ZUP1: variants seen among roughly 807,000 people sequenced by gnomAD.
ZUP1 encodes zinc finger-containing ubiquitin peptidase 1.
In ZUP1, 55 loss-of-function variants were observed where a neutral mutation model predicts 68.1. That is an observed-to-expected ratio of 0.81 (90% CI 0.65 to 1.01). The LOEUF is 1.01. ZUP1 is among the 50% of genes least tolerant of loss of function. ZUP1 has a pLI of 0.00. For missense variants in ZUP1, 684 were observed against 674.9 expected (o/e 1.01, Z -0.15); for synonymous variants, 223 against 221.5 (o/e 1.01, Z -0.06).
At chr6:116,663,494 AACTT>A (rs1233818521) in intron 2 of ZUP1, among the ~76,000 whole-genome samples, 1 of 152,202 alleles carries the variant, frequency 6.6e-6, no homozygotes, top group Non-Finnish European at 1.5e-5. Context: ...GGTCCTGAGA[AACTT>A]ACAGGAAATG....
At chr6:116,656,955 G>GT in intron 4 of ZUP1, 103 bp from the exon 5 acceptor site, 1 of 753,840 alleles carries the variant, frequency 1.3e-6, no homozygotes, top group Non-Finnish European at 2.0e-6. Flanking sequence ...AAACATTCTG[G>GT]TTTATAGACT....
At chr6:116,649,939 A>G (rs1776428886) in intron 7 of ZUP1, among the ~76,000 whole-genome samples, 1 of 152,204 alleles carries the variant, frequency 6.6e-6, no homozygotes, top group African/African-American at 2.4e-5. Context: ...AACAAACAAA[A>G]TGCAGGCAAT....
intron 7 of ZUP1, among the ~76,000 whole-genome samples, chr6:116,650,801 G>A (rs1776466488): frequency 6.6e-6 from 1 of 152,058 alleles, no homozygotes; most frequent in Admixed American, 6.6e-5. Flanking sequence ...ATGAATCAAA[G>A]CCCCACACCC....
intron 9 of ZUP1, among the ~76,000 whole-genome samples, chr6:116,638,512 T>C (rs1312894594): frequency 6.6e-6 from 1 of 152,176 alleles, no homozygotes; most frequent in Admixed American, 6.5e-5. Context: ...GAATATCCAA[T>C]AAGCCCAAGT....
intron 9 of ZUP1, among the ~76,000 whole-genome samples, chr6:116,640,713 G>A (rs1234406571): frequency 1.8e-4 from 28 of 151,822 alleles, no homozygotes; most frequent in Non-Finnish European, 3.1e-4. Context: ...AGGCACAACC[G>A]GTACCAGCCA....
intron 9 of ZUP1, among the ~76,000 whole-genome samples, chr6:116,645,318 C>T (rs181871257): frequency 9.7e-4 from 148 of 152,034 alleles, no homozygotes; most frequent in Middle Eastern, 3.4e-3. Flanking sequence ...CGGTGGCTCA[C>T]GCCTGTAATC....
intron 9 of ZUP1, among the ~76,000 whole-genome samples, chr6:116,642,223 CCAGATGGATTCA>C (rs1357069528): frequency 2.0e-5 from 3 of 151,972 alleles, no homozygotes; most frequent in Non-Finnish European, 4.4e-5. Flanking sequence ...GAGTCCAGGA[CCAGATGGATTCA>C]CAGCCGAATT....
chr6:116,640,338 T>A (rs1053506120), intron 9 of ZUP1, among the ~76,000 whole-genome samples: 1 of 152,086 alleles, frequency 6.6e-6, no homozygotes, highest in East Asian at 1.9e-4. Flanking sequence ...ATACAGAGAA[T>A]GCCACAAAGA....
chr6:116,646,145 C>CA (rs935289591), intron 8 of ZUP1: 47 of 391,140 alleles, frequency 1.2e-4, no homozygotes, highest in Admixed American at 2.9e-4. Flanking sequence ...GCTTCATTAC[C>CA]AAAAAAAACA....
chr6:116,646,017 A>T, intron 8 of ZUP1, 83 bp from the exon 9 acceptor site: 4 of 955,244 alleles, frequency 4.2e-6, no homozygotes, highest in Non-Finnish European at 6.2e-6. Context: ...TTGTGTGATC[A>T]TATGTGTGTT....
At chr6:116,643,504 A>G (rs1009925382) in intron 9 of ZUP1, among the ~76,000 whole-genome samples, 1 of 152,234 alleles carries the variant, frequency 6.6e-6, no homozygotes, top group Non-Finnish European at 1.5e-5. Flanking sequence ...AGATCAATGG[A>G]ACAGATCAGA....
chr6:116,636,461 A>G (rs1775912792), intron 9 of ZUP1, among the ~76,000 whole-genome samples: 1 of 152,146 alleles, frequency 6.6e-6, no homozygotes, highest in Non-Finnish European at 1.5e-5. Flanking sequence ...GAACATGGCT[A>G]TTGCATAAAT....
chr6:116,656,915 C>T lies in ZUP1; in HGVS notation c.793-63G>A. ...CCCTGTAACTCTATGAGGATGGAAA[C>T]TTATTAAAATTTTATTTGGAAACAT... On this transcript the variant is annotated intron_variant, in intron 4 of 9. Coordinates refer to ENST00000368576, the MANE Select transcript of ZUP1 (RefSeq NM_145062.3). 3 of 1,131,092 alleles carry T rather than the reference C, an allele frequency of 2.7e-6. No individual in the cohort carries two copies. The South Asian group carries it at 5.3e-5, about 20-fold the overall frequency. 70.1% of individuals were successfully genotyped at this position (1,131,092 alleles called of 1,614,324 possible). A position where few individuals can be genotyped will look rare whatever the true frequency, so the allele number is the denominator to read the frequency against.
intron 9 of ZUP1, among the ~76,000 whole-genome samples, chr6:116,643,362 A>C (rs1269016258): frequency 6.6e-6 from 1 of 152,120 alleles, no homozygotes; most frequent in Non-Finnish European, 1.5e-5. Flanking sequence ...GGAACCAAAA[A>C]AGAGCCCGCA....
chr6:116,667,504 A>C (rs191277185), intron 1 of ZUP1, among the ~76,000 whole-genome samples: 1 of 152,306 alleles, frequency 6.6e-6, no homozygotes, highest in East Asian at 1.9e-4. Flanking sequence ...TTGTCCAGGT[A>C]AGATAAATCA....
At chr6:116,643,525 A>G (rs1033848842) in intron 9 of ZUP1, among the ~76,000 whole-genome samples, 3 of 152,250 alleles carry the variant, frequency 2.0e-5, no homozygotes, top group Admixed American at 6.5e-5. Context: ...GCCCTCAGAA[A>G]TAATGCCGCA....
At chr6:116,647,361 A>AAAAC (rs936949896) in intron 8 of ZUP1, 98 bp downstream of exon 8, 29 of 1,156,212 alleles carry the variant, frequency 2.5e-5, no homozygotes, top group Middle Eastern at 2.6e-4. Flanking sequence ...TCTGTCTAAA[A>AAAAC]AAACAAACAA....
intron 7 of ZUP1, among the ~76,000 whole-genome samples, chr6:116,648,388 C>T (rs1169124824): frequency 1.3e-5 from 2 of 152,154 alleles, no homozygotes; most frequent in Non-Finnish European, 1.5e-5. Context: ...CTAAAACATC[C>T]GAATTGCTAA....
At position 116,656,852 on chromosome 6, in the gene ZUP1, T is replaced by C. The variant is rs746408371; in HGVS notation, c.793A>G (p.Arg265Gly). Residue 265 changes from arginine (R) to glycine (G), a missense_variant and splice_region_variant, in exon 5 of 10, where the codon AGA (arginine) becomes GGA (glycine). Physicochemically the swap from Arg to Gly is moderately radical, Grantham distance 125. Transcript: ENST00000368576. ...QEIEEFQKLQ[R>G]QYGLDNSGGY... ...CCAGAATTATCTAAACCATATTGTC[T>C]CTATTGAACATAAAAATAAATGACT... 1 of 1,567,820 alleles carries C rather than the reference T, an allele frequency of 6.4e-7. No individual in the cohort carries two copies. Among genetic ancestry groups the C allele is most frequent in the Non-Finnish European group, 8.6e-7 (1 of 1,157,806 alleles).
Sources: allele counts gnomAD v4.1 joint callset (sites outside exome capture counted in the v4.1 genomes callset), GRCh38; gene constraint gnomAD v4.1.1; transcripts MANE v1.5; gene names NCBI Gene and HGNC (gene_info 2026-07-23, HGNC 2026-07-21).